Variants in CEP135 observed in about 807,000 individuals in gnomAD.
CEP135 encodes centrosomal protein 135.
CEP135 carries 142 observed loss-of-function variants against 157.3 expected under a neutral mutation model. The observed-to-expected ratio is 0.90, with a 90% CI of 0.79 to 1.04. The LOEUF (loss-of-function observed/expected upper bound fraction) is 1.04. Among genes scored for constraint, CEP135 ranks in the 50% least tolerant of loss-of-function variants. CEP135 has a pLI of 0.00. For missense variants in CEP135, 1,317 were observed against 1,309.2 expected (o/e 1.01, Z -0.09); for synonymous variants, 396 against 439.8 (o/e 0.90, Z 1.25).
intron 15 of CEP135, among the ~76,000 whole-genome samples, chr4:55,993,343 A>G (rs1423976384): frequency 2.0e-5 from 3 of 152,250 alleles, no homozygotes; most frequent in Non-Finnish European, 2.9e-5. Context: ...ACTGTAGTTC[A>G]TAAGGGTTCT....
intron 24 of CEP135, among the ~76,000 whole-genome samples, chr4:56,022,277 C>T (rs1730996566): frequency 1.3e-5 from 2 of 152,152 alleles, no homozygotes; most frequent in Non-Finnish European, 2.9e-5. Flanking sequence ...TCAACGAAAC[C>T]TTGAGCCTCA....
intron 11 of CEP135, among the ~76,000 whole-genome samples, chr4:55,977,831 C>T (rs1475785182): frequency 6.6e-6 from 1 of 152,072 alleles, no homozygotes; most frequent in Non-Finnish European, 1.5e-5. Context: ...GTGTAAGGAC[C>T]CAGCGTAACA....
In CEP135 at chr4:56,023,730, GTATCATATATAGTA is replaced by G. The variant is rs569914001; in HGVS notation, c.3321-753_3321-740del. On this transcript the variant is annotated intron_variant, in intron 24 of 25. Transcript: ENST00000257287. Reference sequence around the variant, plus strand: ...CTGTATATTATATGTAATATATATTGTATCATATATAGTATATCATATATAGTATATTATATATA... The same window carrying G: ...CTGTATATTATATGTAATATATATTGTATCATATATAGTATATTATATATA... Among the ~76,000 whole-genome samples the G allele has an allele frequency of 8.0e-3, 1,116 of 139,672 alleles. 13 individuals carry two copies. The highest frequency in any genetic ancestry group is 0.027 in the African/African-American group (1,040 of 37,948). 91.6% of individuals were successfully genotyped at this position (139,672 alleles called of 152,430 possible).
At position 55,999,556 on chromosome 4, in the gene CEP135, G is replaced by A. The variant is rs778849450; in HGVS notation, c.2191G>A (p.Val731Ile). The A allele has an allele frequency of 4.3e-6, 7 of 1,611,644 alleles. No individual in the cohort carries two copies. The highest frequency in any genetic ancestry group is 3.4e-6 in the Non-Finnish European group (4 of 1,179,532). Residue 731 changes from valine (V) to isoleucine (I), a missense_variant, in exon 17 of 26, where the codon GTT becomes ATT. Transcript: ENST00000257287. ...EAHVMKKTIG[V>I]IDKEKDFLQE... is the part of the protein sequence containing the mutation. ...TCATGTAATGAAAAAGACCATTGGTGTTATTGATAAAGAAAAAGACTTTCT... is the reference window on the plus strand; with the variant it reads ...TCATGTAATGAAAAAGACCATTGGTATTATTGATAAAGAAAAAGACTTTCT...
intron 15 of CEP135, among the ~76,000 whole-genome samples, chr4:55,998,263 T>G (rs1730044843): frequency 6.6e-6 from 1 of 152,154 alleles, no homozygotes; most frequent in African/African-American, 2.4e-5. Context: ...GAGCCATGTC[T>G]TTTCAGCAAG....
intron 21 of CEP135, among the ~76,000 whole-genome samples, chr4:56,015,286 C>T (rs1224143017): frequency 6.6e-6 from 1 of 152,216 alleles, no homozygotes; most frequent in Non-Finnish European, 1.5e-5. Flanking sequence ...GACAGACCAA[C>T]AGAGCTAGTT....
At chr4:55,967,658 A>G (rs1728883769) in intron 8 of CEP135, among the ~76,000 whole-genome samples, 1 of 152,250 alleles carries the variant, frequency 6.6e-6, no homozygotes, top group Admixed American at 6.5e-5. Context: ...ATACTTGGAA[A>G]GTGTTCAATT....
intron 1 of CEP135, among the ~76,000 whole-genome samples, chr4:55,951,614 T>C (rs574858440): frequency 1.3e-3 from 193 of 152,352 alleles, no homozygotes; most frequent in Non-Finnish European, 2.4e-3. Context: ...TGTCTTATTA[T>C]TGAGTTGTAA....
chr4:55,956,651 C>A (rs1728513986), intron 4 of CEP135, among the ~76,000 whole-genome samples: 1 of 151,948 alleles, frequency 6.6e-6, no homozygotes, highest in Non-Finnish European at 1.5e-5. Context: ...ACTCTTGTTG[C>A]CCAGGTTAGA....
At chr4:55,986,254 A>C (rs957756535) in intron 14 of CEP135, among the ~76,000 whole-genome samples, 1 of 152,228 alleles carries the variant, frequency 6.6e-6, no homozygotes, top group Non-Finnish European at 1.5e-5. Context: ...AAAATCATAT[A>C]GGCCAGGCAT....
At chr4:56,014,118 G>A (rs1011723997) in intron 21 of CEP135, among the ~76,000 whole-genome samples, 6 of 152,136 alleles carry the variant, frequency 3.9e-5, no homozygotes, top group Non-Finnish European at 5.9e-5. Context: ...CCTGAATTTT[G>A]GACTTCCAGC....
chr4:56,022,026 T>G (rs1730989309), intron 24 of CEP135, among the ~76,000 whole-genome samples: 1 of 152,010 alleles, frequency 6.6e-6, no homozygotes, highest in Admixed American at 6.6e-5. Context: ...AAACCCTGTC[T>G]CAAAAAACAA....
chr4:55,961,501 A>G (rs1415149895), intron 6 of CEP135, among the ~76,000 whole-genome samples: 1 of 152,078 alleles, frequency 6.6e-6, no homozygotes, highest in Non-Finnish European at 1.5e-5. Flanking sequence ...ACGGTGGCTC[A>G]CACCTGTAAT....
chr4:56,017,373 C>T (rs1730811601), intron 21 of CEP135, among the ~76,000 whole-genome samples: 1 of 152,044 alleles, frequency 6.6e-6, no homozygotes, highest in African/African-American at 2.4e-5. Flanking sequence ...ATATTCACAA[C>T]ACCCTGATAC....
At chr4:55,956,002 G>A (rs1728491548) in intron 4 of CEP135, among the ~76,000 whole-genome samples, 1 of 152,276 alleles carries the variant, frequency 6.6e-6, no homozygotes, top group African/African-American at 2.4e-5. Flanking sequence ...GAGACCCAGA[G>A]TCAGATGTGA....
In CEP135 at chr4:55,974,825, A is replaced by G. The variant is rs1577878120; in HGVS notation, c.1329A>G (p.Leu443=). 6.2e-7 allele frequency: 1 copy of G among 1,613,936 alleles called. No individual in the cohort carries two copies. The stretch of plus-strand genomic sequence containing the variant: ...GTCGAGACAGGTCACCTTCTCGTTT[A>G]GATACATTTCTGAAAGGTATAGAAG... ...IKRRDRSPSR[L]DTFLKGIEEE... Residue 443 remains leucine (L), a synonymous_variant, in exon 11 of 26, where the codon TTA becomes TTG. Transcript: ENST00000257287.
chr4:55,976,246 A>G lies in CEP135; in HGVS notation c.1473+1277A>G, dbSNP rs569905831. Among the ~76,000 whole-genome samples the G allele has an allele frequency of 5.6e-3, 844 of 150,972 alleles. 10 individuals carry two copies. The highest frequency in any genetic ancestry group is 0.019 in the African/African-American group (783 of 40,634). ...TCCAGCCTGGGTGACAAAAAAAAAA[A>G]AAAGAAAGAAAGAAAGAAAGAAAAA... is the stretch of plus-strand genomic sequence containing the variant. On this transcript the variant is annotated intron_variant, in intron 11 of 25. Transcript: ENST00000257287.
intron 17 of CEP135, among the ~76,000 whole-genome samples, chr4:56,004,035 C>T (rs974657624): frequency 3.3e-5 from 5 of 152,128 alleles, no homozygotes; most frequent in Non-Finnish European, 5.9e-5. Context: ...TTTTTTGATA[C>T]AGACATTTAT....
Position 55,999,319 on chromosome 4 carries a change from T to C in CEP135, c.2027T>C (p.Leu676Pro). Residue 676 changes from leucine to proline, a missense_variant, in exon 16 of 26, where the codon CTA becomes CCA. Physicochemically the swap from Leu to Pro is moderately conservative, Grantham distance 98. Transcript: ENST00000257287. ...VNSLRIVNEQ[L>P]QRSVDDYQHR... ...TTCTTTAGGATAGTGAATGAGCAGC[T>C]ACAGCGGTCAGTTGATGACTATCAG... 2 of 1,614,048 alleles carry C rather than the reference T, an allele frequency of 1.2e-6. No individual in the cohort carries two copies. Among genetic ancestry groups the C allele is most frequent in the South Asian group, 2.2e-5 (2 of 91,084 alleles).
Sources: gnomAD v4.1 joint callset for allele counts (sites outside exome capture counted in the v4.1 genomes callset) on GRCh38, gnomAD v4.1.1 for gene constraint, MANE v1.5 for transcripts, NCBI Gene and HGNC (gene_info 2026-07-23, HGNC 2026-07-21) for gene names.